The following UBAC1 variants were observed in gnomAD, a reference collection of about 807,000 sequenced individuals.
The protein encoded by UBAC1 is UBA domain containing 1, also known as ubiquitin-associated domain-containing protein 1.
Under a neutral mutation model 45.9 loss-of-function variants are expected in UBAC1, and 27 were observed. The ratio of observed to expected loss-of-function variants is 0.59; its 90% CI spans 0.43 to 0.81. The LOEUF is 0.81. UBAC1 is among the 30% of genes least tolerant of loss of function. UBAC1 has a pLI of 0.00. For missense variants in UBAC1, 529 were observed against 539.2 expected, an observed-to-expected ratio of 0.98 and a Z score of 0.19; for synonymous variants, 227 against 215.5, an observed-to-expected ratio of 1.05 and a Z score of -0.47.
At chr9:135,948,495 G>T (rs1363706496) in intron 3 of UBAC1, among the ~76,000 whole-genome samples, 1 of 152,278 alleles carries the variant, frequency 6.6e-6, no homozygotes, top group African/African-American at 2.4e-5. Context: ...CAGGGGACAA[G>T]GAGCGAGCCT....
intron 2 of UBAC1, among the ~76,000 whole-genome samples, chr9:135,954,530 GC>G (rs1839443803): frequency 6.6e-6 from 1 of 152,212 alleles, no homozygotes; most frequent in South Asian, 2.1e-4. Context: ...CATGGCCCTA[GC>G]TGAGGTACAA....
At position 135,955,419 on chromosome 9, in the gene UBAC1, G is replaced by A. The variant is rs1588536439; in HGVS notation, c.139-4C>T. 6.5e-7 allele frequency: 1 copy of A among 1,532,158 alleles called. No individual in the cohort carries two copies. The highest frequency in any genetic ancestry group is 1.3e-5 in the South Asian group (1 of 79,004). 94.9% of individuals were successfully genotyped at this position (1,532,158 alleles called of 1,614,324 possible). A position where few individuals can be genotyped will look rare whatever the true frequency, so the allele number is the denominator to read the frequency against. ...CTTCTAAGCTCCCATGAGCACACTG[G>A]GGAAAAATAGAAATTTCAAGGTAGA... On this transcript the variant is annotated splice_region_variant and splice_polypyrimidine_tract_variant and intron_variant, in intron 1 of 9. Transcript: ENST00000371756.
intron 3 of UBAC1, among the ~76,000 whole-genome samples, chr9:135,951,848 A>G (rs1839409260): frequency 6.6e-6 from 1 of 152,188 alleles, no homozygotes; most frequent in African/African-American, 2.4e-5. Flanking sequence ...ATAATAATTA[A>G]TTCATAAAAA....
chr9:135,946,573 G>A (rs559235201), intron 4 of UBAC1, among the ~76,000 whole-genome samples: 1 of 152,336 alleles, frequency 6.6e-6, no homozygotes, highest in South Asian at 2.1e-4. Flanking sequence ...GAAGCCAGTG[G>A]AAAGGGACAG....
At chr9:135,953,558 T>A (rs1839431479) in intron 3 of UBAC1, 122 bp downstream of exon 3, 2 of 684,784 alleles carry the variant, frequency 2.9e-6, no homozygotes, top group African/African-American at 3.7e-5. Flanking sequence ...GACCTCGTGA[T>A]CCACCCGCCT....
In UBAC1 at chr9:135,938,357, C is replaced by A. The variant is rs754196005; in HGVS notation, c.967G>T (p.Glu323Ter). The A allele has an allele frequency of 1.2e-6, 2 of 1,613,124 alleles. No homozygotes were observed. Among genetic ancestry groups the A allele is most frequent in the Non-Finnish European group, 8.5e-7 (1 of 1,179,840 alleles). ...VNNNQQNAACEWLLGDRKPSP... is the reference protein window; with the variant it reads ...VNNNQQNAAC ...GGCTTCCGGTCCCCCAGCAGCCACT[C>A]GCACTGCAAAGCCAAGAGCACCAAT... is the stretch of plus-strand genomic sequence containing the variant. Residue 323 changes from glutamate (E) to a stop codon, truncating the protein, a stop_gained, in exon 9 of 10, where the codon GAG (glutamate) becomes TAG (stop). Transcript: ENST00000371756. LOFTEE classifies it high-confidence loss of function.
At chr9:135,946,911 A>G (rs1231347430) in intron 4 of UBAC1, among the ~76,000 whole-genome samples, 1 of 152,176 alleles carries the variant, frequency 6.6e-6, no homozygotes, top group Non-Finnish European at 1.5e-5. Context: ...CACAAGTGTG[A>G]GCCTTGGTGC....
chr9:135,936,499 C>CT (rs202151720), intron 9 of UBAC1, among the ~76,000 whole-genome samples: 27,306 of 141,700 alleles, frequency 0.19, 2,581 homozygotes, highest in Admixed American at 0.27. Context: ...TTTCCTTTTT[C>CT]TTTTTTTTTT....
At position 135,933,528 on chromosome 9, in the gene UBAC1, C is replaced by CA. The variant is rs775444698; in HGVS notation, c.1103-14dup. On this transcript the variant is annotated splice_polypyrimidine_tract_variant and intron_variant, in intron 9 of 9. Coordinates refer to ENST00000371756, the MANE Select transcript of UBAC1 (RefSeq NM_016172.3). ...ATGTCTTCAAATGCTGCAGGGAAAA[C>CA]AGAGCCAGCCTGAGTGCCCACGCCC... is the stretch of plus-strand genomic sequence containing the variant. The CA allele has an allele frequency of 3.8e-5, 61 of 1,607,642 alleles. No homozygotes were observed. In the African/African-American group the frequency reaches 4.4e-4, roughly 12 times the overall value.
chr9:135,945,186 G>A lies in UBAC1; in HGVS notation c.718C>T (p.Pro240Ser), dbSNP rs777977997. The A allele has an allele frequency of 6.2e-7, 1 of 1,612,978 alleles. No individual in the cohort carries two copies. The highest frequency in any genetic ancestry group is 2.2e-5 in the East Asian group (1 of 44,852). Reference sequence around the variant, plus strand: ...TCTGGGGGAGCTTGGCCAGGAAGAGGCGTGTCTATGGTCGGGTCTTCTGCG... The same window carrying A: ...TCTGGGGGAGCTTGGCCAGGAAGAGACGTGTCTATGGTCGGGTCTTCTGCG... ...EHAEDPTIDT[P>S]LPGQAPPEAE... The change falls in exon 7 of 10, where the codon CCT (proline) becomes TCT (serine). Residue 240 changes from proline (P) to serine (S), a missense_variant. Pro to Ser is a moderately conservative substitution (Grantham distance 74). Transcript: ENST00000371756.
chr9:135,952,341 C>A (rs1208531506), intron 3 of UBAC1, among the ~76,000 whole-genome samples: 1 of 152,228 alleles, frequency 6.6e-6, no homozygotes, highest in Non-Finnish European at 1.5e-5. Context: ...TTTCAAAGCA[C>A]GAGTAAGAAA....
intron 3 of UBAC1, among the ~76,000 whole-genome samples, chr9:135,953,207 G>A (rs1331157135): frequency 1.3e-5 from 2 of 152,218 alleles, no homozygotes; most frequent in Non-Finnish European, 2.9e-5. Flanking sequence ...AACAGGCTCT[G>A]CCGGGAGAGA....
At chr9:135,955,452 T>C (rs1006791644) in intron 1 of UBAC1, 37 bp from the exon 2 acceptor site, 1 of 1,496,370 alleles carries the variant, frequency 6.7e-7, no homozygotes, top group Non-Finnish European at 8.9e-7. Flanking sequence ...AGAAAATAAG[T>C]AAATCGTAAT....
chr9:135,946,474 G>T (rs1164317523), intron 4 of UBAC1, 103 bp from the exon 5 acceptor site: 2 of 768,628 alleles, frequency 2.6e-6, no homozygotes, highest in Non-Finnish European at 4.5e-6. Flanking sequence ...TGAGAGTTGA[G>T]ATGACATTGC....
chr9:135,939,854 C>T (rs1033071425), intron 7 of UBAC1, 95 bp from the exon 8 acceptor site: 9 of 1,035,096 alleles, frequency 8.7e-6, no homozygotes, highest in East Asian at 4.8e-5. Context: ...CGCACCCTAG[C>T]GGAGGGTGCT....
At position 135,961,352 on chromosome 9, in the gene UBAC1, C is replaced by T. The variant is rs1332118436; in HGVS notation, c.-190G>A. ...AGCGGTCGCCTCGCTCCCGCCGCCG[C>T]AGCAGCCGCCGGGGGCGCGCCGTCG... On this transcript the variant is annotated 5_prime_UTR_variant, in exon 1 of 10. Coordinates refer to ENST00000371756, the MANE Select transcript of UBAC1 (RefSeq NM_016172.3). The T allele has an allele frequency of 6.4e-6, 1 of 156,496 alleles. No individual in the cohort carries two copies. The highest frequency in any genetic ancestry group is 1.1e-5 in the Non-Finnish European group (1 of 87,162). The allele number at this position is 156,496 out of a possible 1,614,324, so 9.7% of individuals were successfully genotyped here. A position where few individuals can be genotyped will look rare whatever the true frequency, so the allele number is the denominator to read the frequency against.
At chr9:135,940,490 G>A (rs1374392689) in intron 7 of UBAC1, among the ~76,000 whole-genome samples, 1 of 150,368 alleles carries the variant, frequency 6.7e-6, no homozygotes, top group African/African-American at 2.5e-5. Flanking sequence ...TGAGGCAGGA[G>A]AATGGCATGA....
intron 7 of UBAC1, among the ~76,000 whole-genome samples, chr9:135,943,757 T>TG (rs1438453354): frequency 6.6e-6 from 1 of 152,166 alleles, no homozygotes; most frequent in Non-Finnish European, 1.5e-5. Context: ...AAAGAAAATG[T>TG]GGGATATATA....
chr9:135,949,632 C>T (rs1029735630), intron 3 of UBAC1, among the ~76,000 whole-genome samples: 4 of 152,220 alleles, frequency 2.6e-5, no homozygotes, highest in Admixed American at 6.5e-5. Flanking sequence ...CAGACAGTTT[C>T]CCCTCCTGGC....
Sources: allele counts gnomAD v4.1 joint callset (sites outside exome capture counted in the v4.1 genomes callset), GRCh38; gene constraint gnomAD v4.1.1; transcripts MANE v1.5; gene names NCBI Gene and HGNC (gene_info 2026-07-23, HGNC 2026-07-21).